Variants in OTUD7A observed in about 807,000 individuals in gnomAD.
OTUD7A encodes OTU domain-containing protein 7A.
Under a neutral mutation model 65.7 loss-of-function variants are expected in OTUD7A, and 12 were observed. That is an observed-to-expected ratio of 0.18 (90% CI 0.12 to 0.30). The LOEUF (loss-of-function observed/expected upper bound fraction) is 0.30. Ranked by LOEUF, OTUD7A falls within the 10% of genes least tolerant of loss-of-function variation. The probability of loss-of-function intolerance (pLI) is 1.00; values close to 1 mark genes in which losing one functional copy is unlikely to be tolerated. For synonymous variants in OTUD7A, 641 were observed against 586.3 expected, an observed-to-expected ratio of 1.09 and a Z score of -1.35; for missense variants, 1,148 against 1,304.8, an observed-to-expected ratio of 0.88 and a Z score of 1.85.
intron 5 of OTUD7A, chr15:31,557,829 T>C (rs1888548139): frequency 6.6e-6 from 1 of 151,906 alleles, no homozygotes; most frequent in African/African-American, 2.4e-5. Flanking sequence ...AGAAAGTGCT[T>C]GGTAATTTTA....
intron 1 of OTUD7A, among the ~76,000 whole-genome samples, chr15:31,710,959 C>T (rs1893429122): frequency 6.6e-6 from 1 of 152,022 alleles, no homozygotes; most frequent in Non-Finnish European, 1.5e-5. Flanking sequence ...AATTCAAGTC[C>T]CGGTGGCCCA....
intron 1 of OTUD7A, among the ~76,000 whole-genome samples, chr15:31,761,990 G>A (rs1409882312): frequency 6.6e-6 from 1 of 152,162 alleles, no homozygotes; most frequent in African/African-American, 2.4e-5. Flanking sequence ...TGCCTACAGA[G>A]GGGGGCATGT....
At chr15:31,574,545 G>A (rs11071187) in intron 3 of OTUD7A, among the ~76,000 whole-genome samples, 38,742 of 137,710 alleles carry the variant, frequency 0.28, 5,706 homozygotes, top group East Asian at 0.66. Flanking sequence ...CAACAAAACT[G>A]AGATTATGAT....
chr15:31,569,666 GC>G (rs539050284), intron 4 of OTUD7A, among the ~76,000 whole-genome samples: 51 of 152,222 alleles, frequency 3.4e-4, no homozygotes, highest in Non-Finnish European at 3.5e-4. Context: ...GAAATGTGAT[GC>G]TGAACAGACT....
At chr15:31,581,910 A>G (rs1889384595) in intron 3 of OTUD7A, among the ~76,000 whole-genome samples, 1 of 152,150 alleles carries the variant, frequency 6.6e-6, no homozygotes, top group South Asian at 2.1e-4. Context: ...TTTCTTTTCT[A>G]CTGCATTATC....
intron 1 of OTUD7A, chr15:31,766,874 C>A: frequency 6.2e-7 from 1 of 1,610,492 alleles, no homozygotes; most frequent in South Asian, 1.1e-5. Flanking sequence ...ACACTGGATG[C>A]CTCTTTACTT....
Position 31,795,985 on chromosome 15 carries a change from G to A in OTUD7A, c.-100+74522C>T, listed in dbSNP as rs77895580. ...GCTTCATCTCCTGAAATGTTCATGCGGACCCTGCATCATCCTCGTTTCATA... is the reference window on the plus strand; with the variant it reads ...GCTTCATCTCCTGAAATGTTCATGCAGACCCTGCATCATCCTCGTTTCATA... On this transcript the variant is annotated intron_variant, in intron 1 of 12. Transcript: ENST00000307050. Among the ~76,000 whole-genome samples, 532 of 152,252 alleles carry A rather than the reference G, an allele frequency of 3.5e-3. 3 individuals are homozygous for A. The highest frequency in any genetic ancestry group is 5.7e-3 in the Non-Finnish European group (388 of 68,018).
intron 1 of OTUD7A, among the ~76,000 whole-genome samples, chr15:31,784,954 C>T (rs1895633080): frequency 6.6e-6 from 1 of 152,028 alleles, no homozygotes; most frequent in African/African-American, 2.4e-5. Context: ...CAGAAGGGAG[C>T]GGCACTGCCC....
intron 6 of OTUD7A, among the ~76,000 whole-genome samples, chr15:31,528,542 T>C (rs75388013): frequency 0.01 from 1,576 of 152,384 alleles, 27 homozygotes; most frequent in African/African-American, 0.036. Flanking sequence ...CACAGGCTTC[T>C]AGCCAGCAAG....
At chr15:31,767,586 C>A in intron 1 of OTUD7A, 2 of 813,106 alleles carry the variant, frequency 2.5e-6, no homozygotes, top group Non-Finnish European at 4.4e-6. Context: ...TTTATGACTT[C>A]TTCTAGGGAT....
intron 3 of OTUD7A, chr15:31,649,651 A>G (rs942128072): frequency 2.7e-5 from 8 of 292,706 alleles, no homozygotes; most frequent in African/African-American, 1.8e-4. Flanking sequence ...ATAATCCATC[A>G]TACACAATGG....
At chr15:31,654,794 G>A (rs1410504417) in intron 3 of OTUD7A, among the ~76,000 whole-genome samples, 1 of 152,152 alleles carries the variant, frequency 6.6e-6, no homozygotes, top group Admixed American at 6.5e-5. Context: ...CTGGATAGTA[G>A]GTGCTTTTTC....
chr15:31,827,658 G>A (rs939246419), intron 1 of OTUD7A, among the ~76,000 whole-genome samples: 2 of 152,092 alleles, frequency 1.3e-5, no homozygotes, highest in Non-Finnish European at 2.9e-5. Flanking sequence ...CAGGTATGAC[G>A]GCTCATGCCT....
chr15:31,485,759 G>A (rs1303775298), intron 12 of OTUD7A, among the ~76,000 whole-genome samples: 1 of 152,172 alleles, frequency 6.6e-6, no homozygotes, highest in Non-Finnish European at 1.5e-5. Context: ...GGCTTCCAGG[G>A]GATGAGCCTG....
chr15:31,548,644 G>A (rs1335634687), intron 5 of OTUD7A, among the ~76,000 whole-genome samples: 1 of 152,022 alleles, frequency 6.6e-6, no homozygotes, highest in Non-Finnish European at 1.5e-5. Flanking sequence ...AATTAAAATG[G>A]CGTATAATAC....
intron 3 of OTUD7A, among the ~76,000 whole-genome samples, chr15:31,623,219 C>A (rs1890850417): frequency 6.6e-6 from 1 of 152,214 alleles, no homozygotes; most frequent in Admixed American, 6.5e-5. Context: ...GTCAGGGACC[C>A]ACTTGAGAAA....
intron 3 of OTUD7A, among the ~76,000 whole-genome samples, chr15:31,615,996 C>T (rs992901794): frequency 6.6e-6 from 1 of 152,262 alleles, no homozygotes; most frequent in African/African-American, 2.4e-5. Context: ...CCTGGCCTCA[C>T]TGTTCTGATG....
chr15:31,656,167 A>C (rs1380258674), intron 2 of OTUD7A, among the ~76,000 whole-genome samples: 2 of 152,206 alleles, frequency 1.3e-5, no homozygotes, highest in African/African-American at 4.8e-5. Context: ...ATGGATGTAC[A>C]GCAGCTTGAC....
At chr15:31,537,267 C>A (rs1049045427) in intron 5 of OTUD7A, among the ~76,000 whole-genome samples, 1 of 152,186 alleles carries the variant, frequency 6.6e-6, no homozygotes, top group African/African-American at 2.4e-5. Context: ...CACTCTTCAG[C>A]GCTTTTTGGT....
Sources: allele counts gnomAD v4.1 joint callset (sites outside exome capture counted in the v4.1 genomes callset), GRCh38; gene constraint gnomAD v4.1.1; transcripts MANE v1.5; gene names NCBI Gene and HGNC (gene_info 2026-07-23, HGNC 2026-07-21).